SHB: variants seen among roughly 807,000 people sequenced by gnomAD.
The protein encoded by SHB is SH2 domain containing adaptor protein B, also known as SH2 domain-containing adapter protein B.
SHB carries 20 observed loss-of-function variants against 52.3 expected under a neutral mutation model. The ratio of observed to expected loss-of-function variants is 0.38; its 90% CI spans 0.27 to 0.56. The LOEUF is 0.56. Among genes scored for constraint, SHB ranks in the 20% least tolerant of loss-of-function variants. The pLI, the probability that SHB is intolerant of heterozygous loss-of-function variation, is 0.71. For missense variants in SHB, 825 were observed against 723.3 expected (o/e 1.14, Z -1.61); for synonymous variants, 397 against 316.5 (o/e 1.25, Z -2.70).
At chr9:37,970,836 C>T (rs1396762550) in intron 3 of SHB, among the ~76,000 whole-genome samples, 3 of 152,062 alleles carry the variant, frequency 2.0e-5, no homozygotes, top group African/African-American at 7.2e-5. Flanking sequence ...GTGACTCCCC[C>T]TTTGGCAGGC....
intron 2 of SHB, among the ~76,000 whole-genome samples, chr9:37,976,013 TATA>T (rs1244272535): frequency 3.3e-5 from 5 of 152,212 alleles, no homozygotes; most frequent in Non-Finnish European, 7.3e-5. Context: ...GTAAAATACA[TATA>T]ATAACATTGA....
chr9:37,949,354 C>T (rs576917758), intron 4 of SHB, among the ~76,000 whole-genome samples: 101 of 137,164 alleles, frequency 7.4e-4, no homozygotes, highest in African/African-American at 2.5e-3. Flanking sequence ...GATCATGCCA[C>T]TGCACTCCAG....
chr9:37,961,416 G>A (rs1832690833), intron 3 of SHB, among the ~76,000 whole-genome samples: 1 of 152,162 alleles, frequency 6.6e-6, no homozygotes, highest in Admixed American at 6.5e-5. Flanking sequence ...ACTCCAAAAA[G>A]CCGATGGACC....
At chr9:38,067,882 C>A (rs1205186240) in intron 1 of SHB, 47 bp downstream of exon 1, 4 of 1,410,888 alleles carry the variant, frequency 2.8e-6, no homozygotes, top group Non-Finnish European at 3.7e-6. Context: ...TTTCCCCGTG[C>A]GCACCGTGGC....
At chr9:37,967,487 T>G (rs1820540230) in intron 3 of SHB, among the ~76,000 whole-genome samples, 1 of 152,186 alleles carries the variant, frequency 6.6e-6, no homozygotes, top group Admixed American at 6.5e-5. Flanking sequence ...ACCAATGTAC[T>G]CCAGTACAGG....
At chr9:37,973,340 C>T (rs1820613120) in intron 3 of SHB, among the ~76,000 whole-genome samples, 1 of 152,222 alleles carries the variant, frequency 6.6e-6, no homozygotes, top group South Asian at 2.1e-4. Context: ...TCTCCTGCCT[C>T]GGCCTCCTGA....
At chr9:38,026,404 G>A (rs1456046320) in intron 1 of SHB, among the ~76,000 whole-genome samples, 3 of 152,250 alleles carry the variant, frequency 2.0e-5, no homozygotes, top group Non-Finnish European at 2.9e-5. Context: ...CGCACTAAGT[G>A]AAGGATCATT....
intron 1 of SHB, among the ~76,000 whole-genome samples, chr9:38,046,474 C>G (rs1375191625): frequency 6.6e-6 from 1 of 152,224 alleles, no homozygotes; most frequent in Non-Finnish European, 1.5e-5. Flanking sequence ...CTCGAAGCCC[C>G]CCCGGGTCCT....
chr9:38,001,518 T>C (rs1162472742), intron 2 of SHB, among the ~76,000 whole-genome samples: 2 of 152,256 alleles, frequency 1.3e-5, no homozygotes, highest in African/African-American at 2.4e-5. Context: ...GCCAGTTCTG[T>C]CCTTCAGACA....
At chr9:37,952,928 T>C (rs1832583046) in intron 4 of SHB, among the ~76,000 whole-genome samples, 1 of 151,982 alleles carries the variant, frequency 6.6e-6, no homozygotes, top group Admixed American at 6.6e-5. Context: ...TCAGGAGCTC[T>C]GGGAGAGGTG....
At position 37,940,820 on chromosome 9, in the gene SHB, A is replaced by G. The variant is rs142987921; in HGVS notation, c.1346+7815T>C. Among the ~76,000 whole-genome samples the G allele has an allele frequency of 3.9e-4, 59 of 152,308 alleles. 1 individual carries two copies. Among genetic ancestry groups the G allele is most frequent in the African/African-American group, 1.4e-3 (58 of 41,562 alleles). On this transcript the variant is annotated intron_variant, in intron 5 of 5. Transcript: ENST00000377707. ...GAGCTGCTACCTTGACTGGCTGCCA[A>G]CATGCTTCCCTATGAGATGAGGAGG... is the stretch of plus-strand genomic sequence containing the variant.
At chr9:38,036,125 C>T (rs193175784) in intron 1 of SHB, among the ~76,000 whole-genome samples, 1 of 152,200 alleles carries the variant, frequency 6.6e-6, no homozygotes, top group Non-Finnish European at 1.5e-5. Flanking sequence ...GGCCCAAACT[C>T]CTGTTCCAGA....
chr9:38,054,431 A>T (rs1821786470), intron 1 of SHB, among the ~76,000 whole-genome samples: 1 of 152,192 alleles, frequency 6.6e-6, no homozygotes. Flanking sequence ...CTTGTTCCCC[A>T]TCCAGTCACA....
intron 2 of SHB, among the ~76,000 whole-genome samples, chr9:37,980,780 G>C (rs1197486533): frequency 1.3e-5 from 2 of 152,208 alleles, no homozygotes; most frequent in Non-Finnish European, 2.9e-5. Flanking sequence ...CCGCGGAATG[G>C]ATGTTGTGTT....
At chr9:38,019,923 G>A (rs77844281) in intron 1 of SHB, among the ~76,000 whole-genome samples, 2 of 152,182 alleles carry the variant, frequency 1.3e-5, no homozygotes, top group African/African-American at 4.8e-5. Flanking sequence ...GTTGCTCTGT[G>A]TGAGCTGGCA....
At chr9:38,047,226 T>C (rs1206746112) in intron 1 of SHB, among the ~76,000 whole-genome samples, 1 of 152,276 alleles carries the variant, frequency 6.6e-6, no homozygotes. Context: ...CTTACTTGTA[T>C]GAAAAATAGT....
At chr9:38,053,608 C>A (rs1159640945) in intron 1 of SHB, among the ~76,000 whole-genome samples, 6 of 152,088 alleles carry the variant, frequency 3.9e-5, no homozygotes, top group Non-Finnish European at 8.8e-5. Context: ...ATACCTCAAG[C>A]TCTTAGAACA....
Position 38,054,187 on chromosome 9 carries a change from G to C in SHB, c.717+13742C>G, listed in dbSNP as rs371226383. Among the ~76,000 whole-genome samples the C allele has an allele frequency of 3.5e-4, 53 of 152,380 alleles. 1 individual carries two copies. In the South Asian group the frequency reaches 0.011, roughly 31 times the overall value. On this transcript the variant is annotated intron_variant, in intron 1 of 5. Transcript: ENST00000377707. Reference sequence around the variant, plus strand: ...CCAGTGAGTGTTTCATGCCACCACAGTGGGACACACTTGGGTTCTGCTGTG... The same window carrying C: ...CCAGTGAGTGTTTCATGCCACCACACTGGGACACACTTGGGTTCTGCTGTG...
intron 2 of SHB, among the ~76,000 whole-genome samples, chr9:38,013,429 C>T (rs1289099758): frequency 1.3e-5 from 2 of 151,888 alleles, no homozygotes; most frequent in Non-Finnish European, 2.9e-5. Context: ...CAGTGAGACC[C>T]CGTCTCTACT....
Sources: gnomAD v4.1 joint callset for allele counts (sites outside exome capture counted in the v4.1 genomes callset) on GRCh38, gnomAD v4.1.1 for gene constraint, MANE v1.5 for transcripts, NCBI Gene and HGNC (gene_info 2026-07-23, HGNC 2026-07-21) for gene names.